RHBDF2: variants seen among roughly 807,000 people sequenced by gnomAD.
The protein encoded by RHBDF2 is inactive rhomboid protein 2.
Under a neutral mutation model 95.2 loss-of-function variants are expected in RHBDF2, and 38 were observed. The ratio of observed to expected loss-of-function variants is 0.40; its 90% CI spans 0.31 to 0.52. The LOEUF (loss-of-function observed/expected upper bound fraction) is 0.52. RHBDF2 is among the 20% of genes least tolerant of loss of function. RHBDF2 has a pLI of 0.56. For synonymous variants in RHBDF2, 442 were observed against 462.0 expected, an observed-to-expected ratio of 0.96 and a Z score of 0.55; for missense variants, 863 against 1,137.7, an observed-to-expected ratio of 0.76 and a Z score of 3.47.
intron 1 of RHBDF2, among the ~76,000 whole-genome samples, chr17:76,490,298 G>C (rs2074263382): frequency 6.6e-6 from 1 of 152,182 alleles, no homozygotes; most frequent in Non-Finnish European, 1.5e-5. Flanking sequence ...CCCCAGGGCA[G>C]ACTGCCCGGC....
rs772430476 is a variant in RHBDF2 at position 76,471,704 on chromosome 17, C to T, written c.2413G>A (p.Glu805Lys). 4 of 1,610,342 alleles carry T rather than the reference C, an allele frequency of 2.5e-6. No individual in the cohort carries two copies. Among genetic ancestry groups the T allele is most frequent in the African/African-American group, 2.7e-5 (2 of 74,850 alleles). The change falls in exon 19 of 19, where the codon GAG becomes AAG. Residue 805 changes from glutamate (E) to lysine (K), a missense_variant. Physicochemically the swap from Glu to Lys is moderately conservative, Grantham distance 56 (BLOSUM62 1). This residue lies in a region of RHBDF2 where 252 missense variants were observed against 412.2 expected (regional missense o/e 0.61). Transcript: ENST00000675367. ...GTGAAGGGGAAGCAGGTGAGGTGCT[C>T]GATCCAGGGCCAGTTAATGGGGTAG... Reference protein sequence around the residue: ...YIYPINWPWIEHLTCFPFTSR... With the variant: ...YIYPINWPWIKHLTCFPFTSR...
chr17:76,472,127 C>A (rs575692247), intron 18 of RHBDF2, 75 bp from the exon 19 acceptor site: 1 of 1,387,314 alleles, frequency 7.2e-7, no homozygotes, highest in Admixed American at 2.4e-5. Flanking sequence ...CCTGGGTCAT[C>A]CCATCGATCA....
rs1018533824 is a variant in RHBDF2 at position 76,492,847 on chromosome 17, G to A, written c.-219-4938C>T. On this transcript the variant is annotated intron_variant, in intron 1 of 18. Coordinates refer to ENST00000675367, the MANE Select transcript of RHBDF2 (RefSeq NM_001005498.4). ...CTGAGCCTGCGTGTGGCCAGAAATG[G>A]GGACACAGGGGTGGGACGGGACAGG... 3.3e-5 allele frequency among the ~76,000 whole-genome samples: 5 copies of A among 152,196 alleles called. No homozygotes were observed. In the South Asian group the frequency reaches 1.0e-3, roughly 32 times the overall value.
chr17:76,478,981 G>A lies in RHBDF2; in HGVS notation c.497C>T (p.Ala166Val). The change falls in exon 6 of 19, where the codon GCC becomes GTC. Residue 166 changes from alanine to valine, a missense_variant. Ala to Val is a moderately conservative substitution (Grantham distance 64). Around this residue, in one of 2 missense-constraint regions of RHBDF2, gnomAD observed 611 missense variants for 725.5 expected, o/e 0.84. Transcript: ENST00000675367. ...GTCCATCTCCTCCGGGTGGCGGAAG[G>A]CCCGGCCCCGGGCCAGCGGATCCAC... ...KIVDPLARGRAFRHPEEMDRP... is the reference protein window; with the variant it reads ...KIVDPLARGRVFRHPEEMDRP... 1.3e-6 allele frequency: 2 copies of A among 1,595,392 alleles called. No homozygotes were observed. The highest frequency in any genetic ancestry group is 1.7e-6 in the Non-Finnish European group (2 of 1,168,864).
rs1476786981 is a variant in RHBDF2 at position 76,499,974 on chromosome 17, C to T, written c.-220+1379G>A. On this transcript the variant is annotated intron_variant, in intron 1 of 18. Transcript: ENST00000675367. ...CAGGGCCAGTGGAGATTGGGAAAGGCGGTGTCTCATGGCACCAAAGGAAGA... is the reference window on the plus strand; with the variant it reads ...CAGGGCCAGTGGAGATTGGGAAAGGTGGTGTCTCATGGCACCAAAGGAAGA... Among the ~76,000 whole-genome samples the T allele has an allele frequency of 3.3e-5, 5 of 152,198 alleles. No individual in the cohort carries two copies. In the East Asian group the frequency reaches 7.7e-4, roughly 24 times the overall value.
At chr17:76,499,964 T>C (rs1009739719) in intron 1 of RHBDF2, among the ~76,000 whole-genome samples, 5 of 152,044 alleles carry the variant, frequency 3.3e-5, no homozygotes, top group Admixed American at 6.5e-5. Context: ...CCAGTGGAGA[T>C]TGGGAAAGGC....
chr17:76,471,767 C>T lies in RHBDF2; in HGVS notation c.2350G>A (p.Ala784Thr). 1 of 1,609,558 alleles carries T rather than the reference C, an allele frequency of 6.2e-7. No individual in the cohort carries two copies. Among genetic ancestry groups the T allele is most frequent in the Non-Finnish European group, 8.5e-7 (1 of 1,177,970 alleles). Residue 784 changes from alanine to threonine, a missense_variant, in exon 19 of 19, where the codon GCC becomes ACC. Physicochemically the swap from Ala to Thr is moderately conservative, Grantham distance 58. This residue lies in a region of RHBDF2 where 252 missense variants were observed against 412.2 expected (regional missense o/e 0.61). Coordinates refer to ENST00000675367, the MANE Select transcript of RHBDF2 (RefSeq NM_001005498.4). ...AGCACGAGGGCGGCGAAGAGGCCGG[C>T]AAAGGCCAGCAGTGACACCAGGATG... ...ALILVSLLAF[A>T]GLFAALVLWL...
rs1245918417 is a variant in RHBDF2 at position 76,473,073 on chromosome 17, C to T, written c.1842G>A (p.Leu614=). 1.2e-6 allele frequency: 2 copies of T among 1,614,004 alleles called. No individual in the cohort carries two copies. Among genetic ancestry groups the T allele is most frequent in the African/African-American group, 2.7e-5 (2 of 74,934 alleles). Residue 614 remains leucine, a synonymous_variant, in exon 17 of 19, where the codon CTG becomes CTA. Coordinates refer to ENST00000675367, the MANE Select transcript of RHBDF2 (RefSeq NM_001005498.4). The part of the protein sequence containing the change: ...VHCLDKVCGL[L]PFLNPEVPDQ... ...CTGGGACCTCAGGGTTGAGGAAGGG[C>T]AGCAGCCCACACACCTTGTCCAAGC...
Position 76,481,423 on chromosome 17 carries a change from G to A in RHBDF2, c.102C>T (p.Pro34=), listed in dbSNP as rs751186227. Residue 34 remains proline (P), a synonymous_variant, in exon 3 of 19, where the codon CCC becomes CCT. Coordinates refer to ENST00000675367, the MANE Select transcript of RHBDF2 (RefSeq NM_001005498.4). ...PPNLSITIPP[P]EKETQAPGEQ... ...CGCCAGGGGCCTGGGTCTCTTTCTC[G>A]GGTGGCGGGATGGTGATGGAGAGGT... 30 of 1,612,720 alleles carry A rather than the reference G, an allele frequency of 1.9e-5. No homozygotes were observed. The highest frequency in any genetic ancestry group is 8.3e-5 in the Admixed American group (5 of 60,012).
At chr17:76,489,273 T>C (rs929754438) in intron 1 of RHBDF2, among the ~76,000 whole-genome samples, 4 of 151,756 alleles carry the variant, frequency 2.6e-5, no homozygotes, top group African/African-American at 9.7e-5. Context: ...AACTTAAAAG[T>C]CACACAACAT....
rs1484804849 is a variant in RHBDF2 at position 76,486,115 on chromosome 17, C to CACACACACAT, written c.-22+1596_-22+1597insATGTGTGTGT. On this transcript the variant is annotated intron_variant, in intron 2 of 18. Coordinates refer to ENST00000675367, the MANE Select transcript of RHBDF2 (RefSeq NM_001005498.4). Reference sequence around the variant, plus strand: ...ACACACACACACACACACACACACACATATAGTTTTTGAGACAGAGTCTTG... The same window carrying CACACACACAT: ...ACACACACACACACACACACACACACACACACACATATATAGTTTTTGAGACAGAGTCTTG... Among the ~76,000 whole-genome samples the CACACACACAT allele has an allele frequency of 1.9e-4, 28 of 143,614 alleles. 1 individual carries two copies. Among genetic ancestry groups the CACACACACAT allele is most frequent in the Non-Finnish European group, 1.8e-4 (12 of 64,988 alleles). The allele number at this position is 143,614 out of a possible 152,430, so 94.2% of individuals were successfully genotyped here.
intron 6 of RHBDF2, among the ~76,000 whole-genome samples, 172 bp downstream of exon 6, chr17:76,478,634 G>A (rs1330799953): frequency 1.3e-5 from 2 of 152,198 alleles, no homozygotes; most frequent in Non-Finnish European, 2.9e-5. Context: ...ACGCCTGGGT[G>A]CTGGGCTTCG....
Position 76,475,011 on chromosome 17 carries a change from G to T in RHBDF2, c.1227+19C>A. 6.4e-7 allele frequency: 1 copy of T among 1,557,268 alleles called. No homozygotes were observed. The highest frequency in any genetic ancestry group is 8.7e-7 in the Non-Finnish European group (1 of 1,145,982). ...TAGGAGAGGCTGGGACCCCCAGCAT[G>T]GAGCCTGACCCGACTCACCAGCTGG... On this transcript the variant is annotated intron_variant, in intron 10 of 18. Coordinates refer to ENST00000675367, the MANE Select transcript of RHBDF2 (RefSeq NM_001005498.4).
At chr17:76,473,975 G>A in intron 13 of RHBDF2, 58 bp downstream of exon 13, 2 of 1,597,294 alleles carry the variant, frequency 1.3e-6, no homozygotes. Context: ...CCCTGTGGGT[G>A]GCTCAGATGG....
chr17:76,474,722 G>T lies in RHBDF2; in HGVS notation c.1302+8C>A. 1 of 1,614,186 alleles carries T rather than the reference G, an allele frequency of 6.2e-7. No homozygotes were observed. Among genetic ancestry groups the T allele is most frequent in the East Asian group, 2.2e-5 (1 of 44,884 alleles). ...GCTCAGATGATGTCCCCCAGCCTGG[G>T]CCCTCACCGAGCTGGGGCCAACCCA... On this transcript the variant is annotated splice_region_variant and intron_variant, in intron 11 of 18. Transcript: ENST00000675367.
At chr17:76,496,382 G>A (rs2074426184) in intron 1 of RHBDF2, among the ~76,000 whole-genome samples, 2 of 152,202 alleles carry the variant, frequency 1.3e-5, no homozygotes, top group Admixed American at 6.5e-5. Context: ...TAGGGAGGTG[G>A]TGGGGCTACA....
chr17:76,492,831 C>A (rs759097576), intron 1 of RHBDF2, among the ~76,000 whole-genome samples: 32 of 152,174 alleles, frequency 2.1e-4, no homozygotes, highest in South Asian at 6.2e-4. Flanking sequence ...GCTGAGCCTG[C>A]GTGTGGCCAG....
chr17:76,497,820 C>A (rs2074465550), intron 1 of RHBDF2, among the ~76,000 whole-genome samples: 1 of 152,220 alleles, frequency 6.6e-6, no homozygotes, highest in African/African-American at 2.4e-5. Flanking sequence ...AGCCCCTGGA[C>A]CTTGGCCCAG....
chr17:76,477,261 G>A lies in RHBDF2; in HGVS notation c.839C>T (p.Ser280Phe). The change falls in exon 8 of 19, where the codon TCC becomes TTC. Residue 280 changes from serine to phenylalanine, a missense_variant. This residue lies in a region of RHBDF2 where 611 missense variants were observed against 725.5 expected (regional missense o/e 0.84). Coordinates refer to ENST00000675367, the MANE Select transcript of RHBDF2 (RefSeq NM_001005498.4). ...GAAGTAGCTGGCAGAGAGTGGGGGG[G>A]ACTCAAAGACATCATCAGGCATGGA... ...MSSMPDDVFE[S>F]PPLSASYFRG... 3 of 1,610,164 alleles carry A rather than the reference G, an allele frequency of 1.9e-6. No homozygotes were observed. The highest frequency in any genetic ancestry group is 1.1e-5 in the South Asian group (1 of 90,576).
Sources: allele counts gnomAD v4.1 joint callset (sites outside exome capture counted in the v4.1 genomes callset), GRCh38; gene constraint gnomAD v4.1.1; regional missense constraint gnomAD v4.1.1; transcripts MANE v1.5; gene names NCBI Gene and HGNC (gene_info 2026-07-23, HGNC 2026-07-21).